VPS53: variants seen among roughly 807,000 people sequenced by gnomAD.
VPS53 encodes the protein VPS53 subunit of GARP complex, also known as vacuolar protein sorting-associated protein 53 homolog.
A neutral mutation model predicts 107.0 loss-of-function variants in VPS53; 70 were observed. That is an observed-to-expected ratio of 0.65 (90% CI 0.54 to 0.80). The LOEUF (loss-of-function observed/expected upper bound fraction) is 0.80. Among genes scored for constraint, VPS53 ranks in the 30% least tolerant of loss-of-function variants. VPS53 has a pLI of 0.00. For missense variants in VPS53, 917 were observed against 1,049.4 expected, an observed-to-expected ratio of 0.87 and a Z score of 1.74; for synonymous variants, 409 against 393.3, an observed-to-expected ratio of 1.04 and a Z score of -0.47.
At chr17:592,368 T>C (rs1378347026) in intron 12 of VPS53, among the ~76,000 whole-genome samples, 2 of 152,222 alleles carry the variant, frequency 1.3e-5, no homozygotes, top group African/African-American at 2.4e-5. Context: ...TGTCTTTTAA[T>C]TGGAGCATTT....
chr17:540,073 C>T (rs1244108466), intron 17 of VPS53, among the ~76,000 whole-genome samples: 1 of 151,128 alleles, frequency 6.6e-6, no homozygotes. Context: ...CCCGACCCGC[C>T]CCCGCCACCC....
intron 13 of VPS53, 32 bp downstream of exon 13, chr17:586,238 C>G (rs772870432): frequency 1.2e-6 from 2 of 1,601,748 alleles, no homozygotes; most frequent in African/African-American, 2.7e-5. Context: ...GCGAGAAATG[C>G]AGGCAGAAAA....
At chr17:616,289 A>G (rs966119719) in intron 11 of VPS53, 3 of 152,268 alleles carry the variant, frequency 2.0e-5, no homozygotes, top group African/African-American at 7.2e-5. Context: ...AAGTCTGTGG[A>G]GAGGAGAGCT....
Position 519,853 on chromosome 17 carries a change from T to G in VPS53, c.2301A>C (p.Glu767Asp). 1.9e-6 allele frequency: 3 copies of G among 1,551,732 alleles called. No individual in the cohort carries two copies. In the South Asian group the frequency reaches 3.6e-5, roughly 18 times the overall value. Residue 767 changes from glutamate to aspartate, a missense_variant, in exon 21 of 22, where the codon GAA (glutamate) becomes GAC (aspartate). Coordinates refer to ENST00000437048, the MANE Select transcript of VPS53 (RefSeq NM_001128159.3). The surrounding 1 kb of genome is among the most constrained non-coding windows in gnomAD (Gnocchi z 5.0). ...YIKLLTDCNT[E>D]TFQKILDMKG... ...TCATGTCCAGTATCTTCTGAAAGGT[T>G]TCTGTGTTGCAGTCTGTGAGAAGTT...
intron 6 of VPS53, 35 bp downstream of exon 6, chr17:655,803 C>T (rs757913917): frequency 6.3e-7 from 1 of 1,575,352 alleles, no homozygotes; most frequent in Non-Finnish European, 8.7e-7. Flanking sequence ...GATACATTTC[C>T]CGTGGCCCCA....
chr17:623,407 G>C, intron 11 of VPS53, 126 bp downstream of exon 11: 1 of 1,160,808 alleles, frequency 8.6e-7, no homozygotes. Flanking sequence ...CAGCAGCTCA[G>C]TGAAATCACT....
chr17:651,674 C>T (rs1378918454), intron 7 of VPS53, among the ~76,000 whole-genome samples: 1 of 152,136 alleles, frequency 6.6e-6, no homozygotes, highest in Non-Finnish European at 1.5e-5. Flanking sequence ...AGCATTCGGG[C>T]CTTATTAAGA....
chr17:641,427 C>G (rs1970420964), intron 7 of VPS53, among the ~76,000 whole-genome samples: 1 of 152,218 alleles, frequency 6.6e-6, no homozygotes, highest in Non-Finnish European at 1.5e-5. Flanking sequence ...GGTAGCTCAA[C>G]TGATAACTGT....
chr17:695,103 G>C (rs1972908874), intron 4 of VPS53, among the ~76,000 whole-genome samples: 1 of 152,192 alleles, frequency 6.6e-6, no homozygotes, highest in Non-Finnish European at 1.5e-5. Flanking sequence ...AAACATCAAA[G>C]GGATGAGACT....
chr17:590,432 G>A (rs1193761873), intron 12 of VPS53, among the ~76,000 whole-genome samples: 5 of 150,348 alleles, frequency 3.3e-5, no homozygotes, highest in African/African-American at 1.2e-4. Context: ...GGAGTGGTGA[G>A]AGAGGGCATC....
At chr17:530,992 C>T (rs934594666) in intron 19 of VPS53, among the ~76,000 whole-genome samples, 1 of 152,218 alleles carries the variant, frequency 6.6e-6, no homozygotes, top group Non-Finnish European at 1.5e-5. Context: ...TGGGCTAAAT[C>T]TTAGCTTCCA....
chr17:632,459 A>G (rs416662), intron 7 of VPS53, among the ~76,000 whole-genome samples: 52,982 of 151,974 alleles, frequency 0.35, 11,033 homozygotes, highest in Non-Finnish European at 0.47. Context: ...ATAATGATCA[A>G]ATCAGGGTAA....
rs80119598 is a variant in VPS53 at position 626,867 on chromosome 17, G to A, written c.974+307C>T. On this transcript the variant is annotated intron_variant, in intron 10 of 21. Coordinates refer to ENST00000437048, the MANE Select transcript of VPS53 (RefSeq NM_001128159.3). The stretch of plus-strand genomic sequence containing the variant: ...ATATACACAGCACACTGATACATGC[G>A]ATACCGACTAGGGGAAAACGTGGGG... Among the ~76,000 whole-genome samples, 352 of 152,236 alleles carry A rather than the reference G, an allele frequency of 2.3e-3. 9 individuals are homozygous for A. The East Asian group carries it at 0.055, about 24-fold the overall frequency.
intron 11 of VPS53, among the ~76,000 whole-genome samples, chr17:608,100 G>A (rs1272672857): frequency 6.6e-6 from 1 of 152,080 alleles, no homozygotes; most frequent in Non-Finnish European, 1.5e-5. Flanking sequence ...TTCCTAATTG[G>A]TCCTTAAAGA....
intron 15 of VPS53, among the ~76,000 whole-genome samples, chr17:554,654 C>T (rs1912175336): frequency 6.6e-6 from 1 of 152,198 alleles, no homozygotes; most frequent in Admixed American, 6.5e-5. Flanking sequence ...CCACCCACCT[C>T]CGTGTCCCAA....
At position 518,219 on chromosome 17, in the gene VPS53, T is replaced by G. The variant is rs1288738393; in HGVS notation, c.*909A>C. ...GCCATTCTCTGGATGCAGGATGACA[T>G]GAGAGGTCGGGAGCAGTCTCTTCGG... is the stretch of plus-strand genomic sequence containing the variant. On this transcript the variant is annotated 3_prime_UTR_variant, in exon 22 of 22. Transcript: ENST00000437048. 2 of 147,718 alleles carry G rather than the reference T, an allele frequency of 1.4e-5. No individual in the cohort carries two copies. Among genetic ancestry groups the G allele is most frequent in the Non-Finnish European group, 1.5e-5 (1 of 66,880 alleles). 9.2% of individuals were successfully genotyped at this position (147,718 alleles called of 1,614,324 possible). A position where few individuals can be genotyped will look rare whatever the true frequency, so the allele number is the denominator to read the frequency against.
At position 551,860 on chromosome 17, in the gene VPS53, C is replaced by T. The variant is rs193257501; in HGVS notation, c.1866+12G>A. ...TCGTTAGTTTGTAGGATGCCATTTC[C>T]CAAGACCTTACCTTGCTCATGGCAG... is the stretch of plus-strand genomic sequence containing the variant. On this transcript the variant is annotated intron_variant, in intron 17 of 21. Coordinates refer to ENST00000437048, the MANE Select transcript of VPS53 (RefSeq NM_001128159.3). 2.7e-4 allele frequency: 422 copies of T among 1,585,916 alleles called. 3 individuals carry two copies. The African/African-American group carries it at 4.9e-3, about 18-fold the overall frequency.
At chr17:635,241 T>C (rs1413776817) in intron 7 of VPS53, among the ~76,000 whole-genome samples, 1 of 152,052 alleles carries the variant, frequency 6.6e-6, no homozygotes, top group African/African-American at 2.4e-5. Context: ...CTTGATGGGG[T>C]TGTTTGTTTT....
At chr17:559,958 A>G (rs1912782270) in intron 15 of VPS53, among the ~76,000 whole-genome samples, 1 of 152,196 alleles carries the variant, frequency 6.6e-6, no homozygotes. Flanking sequence ...AACAATGGCT[A>G]TTTGTTGAGG....
Sources: allele counts gnomAD v4.1 joint callset (sites outside exome capture counted in the v4.1 genomes callset), GRCh38; gene constraint gnomAD v4.1.1; non-coding constraint Gnocchi (gnomAD v3.1); transcripts MANE v1.5; gene names NCBI Gene and HGNC (gene_info 2026-07-23, HGNC 2026-07-21).